The following CAMK4 variants were observed in gnomAD, a reference collection of about 807,000 sequenced individuals.
CAMK4 encodes calcium/calmodulin-dependent protein kinase type IV.
CAMK4 carries 22 observed loss-of-function variants against 44.9 expected under a neutral mutation model. The ratio of observed to expected loss-of-function variants is 0.49; its 90% CI spans 0.35 to 0.70. The LOEUF is 0.70. Ranked by LOEUF, CAMK4 falls within the 30% of genes least tolerant of loss-of-function variation. The pLI is 0.01. For missense variants in CAMK4, 498 were observed against 586.8 expected, an observed-to-expected ratio of 0.85 and a Z score of 1.56; for synonymous variants, 218 against 215.4, an observed-to-expected ratio of 1.01 and a Z score of -0.11.
chr5:111,292,724 C>T lies in CAMK4; in HGVS notation c.162-51300C>T, dbSNP rs568872699. Reference sequence around the variant, plus strand: ...ATCACTTGAGCCCAGGAGTTCGAGACCAGCCTGGGCAACATAGTTACACCC... The same window carrying T: ...ATCACTTGAGCCCAGGAGTTCGAGATCAGCCTGGGCAACATAGTTACACCC... On this transcript the variant is annotated intron_variant, in intron 1 of 10. Transcript: ENST00000282356. Among the ~76,000 whole-genome samples, 307 of 152,020 alleles carry T rather than the reference C, an allele frequency of 2.0e-3. 3 individuals carry two copies. Among genetic ancestry groups the T allele is most frequent in the African/African-American group, 7.0e-3 (291 of 41,458 alleles).
intron 5 of CAMK4, among the ~76,000 whole-genome samples, chr5:111,425,899 C>CT (rs994768574): frequency 6.6e-6 from 1 of 152,024 alleles, no homozygotes; most frequent in Non-Finnish European, 1.5e-5. Context: ...GGAATAGATA[C>CT]TTTTTTTAAA....
chr5:111,471,480 C>G (rs1755064021), intron 7 of CAMK4, among the ~76,000 whole-genome samples: 1 of 152,136 alleles, frequency 6.6e-6, no homozygotes. Context: ...TTTATAAAGC[C>G]TCAGTGATTT....
At chr5:111,411,660 C>T (rs1264686767) in intron 5 of CAMK4, among the ~76,000 whole-genome samples, 1 of 151,892 alleles carries the variant, frequency 6.6e-6, no homozygotes, top group Non-Finnish European at 1.5e-5. Context: ...TCACTATTTA[C>T]AATTAAGGTA....
chr5:111,308,104 G>A (rs1457363222), intron 1 of CAMK4, among the ~76,000 whole-genome samples: 1 of 113,782 alleles, frequency 8.8e-6, no homozygotes, highest in Non-Finnish European at 1.7e-5. Context: ...CTGTGGTGGG[G>A]TCGGGGGAGG....
rs143131183 is a variant in CAMK4, at chr5:111,325,855, G to T, written c.162-18169G>T. ...TGTTCACTCTGATGAGTGAACCATG[G>T]GATAAAGCCATGGGATAAAGAAAAT... is the stretch of plus-strand genomic sequence containing the variant. On this transcript the variant is annotated intron_variant, in intron 1 of 10. Transcript: ENST00000282356. Among the ~76,000 whole-genome samples the T allele has an allele frequency of 4.0e-5, 6 of 151,814 alleles. No homozygotes were observed. In the South Asian group the frequency reaches 1.2e-3, roughly 31 times the overall value.
chr5:111,242,843 C>G (rs1749064253), intron 1 of CAMK4, among the ~76,000 whole-genome samples: 1 of 151,736 alleles, frequency 6.6e-6, no homozygotes, highest in African/African-American at 2.4e-5. Flanking sequence ...TCCACGCCCC[C>G]TCTTTCTACA....
rs200102062 is a variant in CAMK4 at position 111,230,813 on chromosome 5, C to CT, written c.161+6178dup. On this transcript the variant is annotated intron_variant, in intron 1 of 10. Coordinates refer to ENST00000282356, the MANE Select transcript of CAMK4 (RefSeq NM_001744.6). ...TTAATATTTTTTTTCTTTTTTTCCT[C>CT]TTTTTTTTTAAAAAAAATAAAGGGT... 6.8e-4 allele frequency among the ~76,000 whole-genome samples: 102 copies of CT among 150,004 alleles called. 1 individual carries two copies. The highest frequency in any genetic ancestry group is 3.4e-3 in the South Asian group (16 of 4,710).
At chr5:111,339,709 G>A (rs1644499) in intron 1 of CAMK4, among the ~76,000 whole-genome samples, 53,140 of 150,932 alleles carry the variant, frequency 0.35, 10,358 homozygotes, top group South Asian at 0.51. Flanking sequence ...GACTATTTGG[G>A]GTCTTTTGTG....
chr5:111,464,977 C>T (rs965383448), intron 7 of CAMK4, among the ~76,000 whole-genome samples: 50 of 152,126 alleles, frequency 3.3e-4, no homozygotes, highest in African/African-American at 1.2e-3. Flanking sequence ...ACTCCCAAAC[C>T]AAGGAGACAG....
At chr5:111,366,321 A>C (rs1370204159) in intron 2 of CAMK4, among the ~76,000 whole-genome samples, 2 of 152,140 alleles carry the variant, frequency 1.3e-5, no homozygotes, top group African/African-American at 4.8e-5. Context: ...ATGCTGCTTT[A>C]CTTGCCTGAA....
At chr5:111,264,644 C>T (rs878909163) in intron 1 of CAMK4, among the ~76,000 whole-genome samples, 1 of 152,122 alleles carries the variant, frequency 6.6e-6, no homozygotes, top group South Asian at 2.1e-4. Flanking sequence ...TTTCAGCTTG[C>T]TGTCCTCTCT....
intron 5 of CAMK4, among the ~76,000 whole-genome samples, chr5:111,429,598 C>A (rs1457522601): frequency 6.6e-6 from 1 of 151,270 alleles, no homozygotes; most frequent in Non-Finnish European, 1.5e-5. Context: ...CATGGCGAAA[C>A]CCGATCTCTA....
intron 1 of CAMK4, among the ~76,000 whole-genome samples, chr5:111,322,014 TCTG>T (rs1748683931): frequency 6.6e-6 from 1 of 151,992 alleles, no homozygotes; most frequent in Non-Finnish European, 1.5e-5. Flanking sequence ...GGGGAGGACT[TCTG>T]CTTGTGAGAA....
At chr5:111,276,995 C>T (rs1431655128) in intron 1 of CAMK4, among the ~76,000 whole-genome samples, 2 of 152,104 alleles carry the variant, frequency 1.3e-5, no homozygotes, top group Non-Finnish European at 1.5e-5. Flanking sequence ...TAGTATCTTG[C>T]TAGACTGAAA....
At chr5:111,475,609 A>G (rs1755208328) in intron 8 of CAMK4, among the ~76,000 whole-genome samples, 1 of 152,198 alleles carries the variant, frequency 6.6e-6, no homozygotes, top group Non-Finnish European at 1.5e-5. Context: ...TAATTAATTA[A>G]TAGGTTTAGT....
chr5:111,405,232 G>C (rs866245788), intron 5 of CAMK4, among the ~76,000 whole-genome samples: 3 of 152,208 alleles, frequency 2.0e-5, no homozygotes, highest in Non-Finnish European at 4.4e-5. Context: ...CACTTTGGGA[G>C]GCCAAGGCGG....
intron 2 of CAMK4, among the ~76,000 whole-genome samples, chr5:111,345,277 A>G (rs1477630180): frequency 1.3e-5 from 2 of 152,088 alleles, no homozygotes; most frequent in East Asian, 3.9e-4. Context: ...TTTCAATGGC[A>G]CTTGCTACTA....
Position 111,344,017 on chromosome 5 carries a change from C to T in CAMK4, c.162-7C>T. On this transcript the variant is annotated splice_region_variant and splice_polypyrimidine_tract_variant and intron_variant, in intron 1 of 10. Transcript: ENST00000282356. Reference sequence around the variant, plus strand: ...AACATTTTCTTTTTGTCTTTTTCCCCCTCAAGGGGTGCTACATCCATTGTG... The same window carrying T: ...AACATTTTCTTTTTGTCTTTTTCCCTCTCAAGGGGTGCTACATCCATTGTG... 1.3e-6 allele frequency: 2 copies of T among 1,565,740 alleles called. No homozygotes were observed. The highest frequency in any genetic ancestry group is 1.1e-5 in the South Asian group (1 of 88,098).
chr5:111,378,220 T>A (rs1206984767), intron 4 of CAMK4, among the ~76,000 whole-genome samples: 1 of 152,100 alleles, frequency 6.6e-6, no homozygotes, highest in Non-Finnish European at 1.5e-5. Flanking sequence ...GTGCCTTCTA[T>A]GAGAAAGCGG....
Sources: allele counts gnomAD v4.1 joint callset (sites outside exome capture counted in the v4.1 genomes callset), GRCh38; gene constraint gnomAD v4.1.1; transcripts MANE v1.5; gene names NCBI Gene and HGNC (gene_info 2026-07-23, HGNC 2026-07-21).